TBCE: variants seen among roughly 807,000 people sequenced by gnomAD.
TBCE encodes tubulin folding cofactor E, also known as tubulin-specific chaperone E.
Under a neutral mutation model 77.0 loss-of-function variants are expected in TBCE, and 53 were observed. That is an observed-to-expected ratio of 0.69 (90% CI 0.55 to 0.87). The LOEUF (loss-of-function observed/expected upper bound fraction) is 0.87, where lower values mean the gene tolerates loss of function less well. Ranked by LOEUF, TBCE falls within the 40% of genes least tolerant of loss-of-function variation. TBCE has a pLI of 0.00. For synonymous variants in TBCE, 235 were observed against 241.3 expected (o/e 0.97, Z 0.24); for missense variants, 624 against 622.4 (o/e 1.00, Z -0.03).
intron 13 of TBCE, chr1:235,439,135 G>A: frequency 1.6e-6 from 1 of 634,016 alleles, no homozygotes; most frequent in Non-Finnish European, 2.7e-6. Context: ...CTGGGAGACT[G>A]TTTATGTTCT....
chr1:235,450,861 T>A lies in TBCE; in HGVS notation c.*2099T>A, dbSNP rs1682854903. 2 of 152,646 alleles carry A rather than the reference T, an allele frequency of 1.3e-5. No homozygotes were observed. Among genetic ancestry groups the A allele is most frequent in the African/African-American group, 4.8e-5 (2 of 41,414 alleles). The allele number at this position is 152,646 out of a possible 1,614,324, so 9.5% of individuals were successfully genotyped here. A position where few individuals can be genotyped will look rare whatever the true frequency, so the allele number is the denominator to read the frequency against. On this transcript the variant is annotated 3_prime_UTR_variant, in exon 17 of 17. Coordinates refer to ENST00000642610, the MANE Select transcript of TBCE (RefSeq NM_003193.5). ...AGGGCTGGTAAATGAAGAGGAGGGA[T>A]TAAAGACTCCCAAGCTCAAGTTCTT...
chr1:235,379,897 G>T, intron 1 of TBCE, 122 bp from the exon 2 acceptor site: 1 of 568,890 alleles, frequency 1.8e-6, no homozygotes, highest in Non-Finnish European at 3.1e-6. Flanking sequence ...GCAGTGAGCC[G>T]AGATTGCGCC....
rs1682181884 is a variant in TBCE, at chr1:235,445,393, C to T, written c.1399+2482C>T. Among the ~76,000 whole-genome samples the T allele has an allele frequency of 2.0e-5, 3 of 152,146 alleles. No individual in the cohort carries two copies. The South Asian group carries it at 6.2e-4, about 32-fold the overall frequency. ...CCTGTAATCCTAGCACTTTGGGAGG[C>T]CAAGGTGGGCAAATTGCTTGAGCCC... On this transcript the variant is annotated intron_variant, in intron 15 of 16. Transcript: ENST00000642610.
intron 5 of TBCE, among the ~76,000 whole-genome samples, chr1:235,421,709 A>G (rs1680409221): frequency 6.6e-6 from 1 of 151,948 alleles, no homozygotes; most frequent in African/African-American, 2.4e-5. Flanking sequence ...CTCTGTTTCA[A>G]AAAAAAAGAA....
At chr1:235,447,423 A>AAAG (rs1183798081) in intron 15 of TBCE, among the ~76,000 whole-genome samples, 2 of 152,234 alleles carry the variant, frequency 1.3e-5, no homozygotes, top group African/African-American at 4.8e-5. Context: ...CCGTCTTTGG[A>AAAG]AAGAAGTTCA....
At chr1:235,404,813 C>A (rs1679321716) in intron 3 of TBCE, among the ~76,000 whole-genome samples, 2 of 151,914 alleles carry the variant, frequency 1.3e-5, no homozygotes, top group Non-Finnish European at 2.9e-5. Context: ...AGGCATGCGC[C>A]ACCACACCTG....
At chr1:235,443,038 T>C (rs1682001381) in intron 15 of TBCE, 127 bp downstream of exon 15, 5 of 884,474 alleles carry the variant, frequency 5.7e-6, no homozygotes, top group Admixed American at 2.3e-5. Context: ...TTTTCATTAG[T>C]CTTTTATATT....
intron 3 of TBCE, among the ~76,000 whole-genome samples, chr1:235,406,793 G>GTGC (rs1317354859): frequency 6.9e-6 from 1 of 145,844 alleles, no homozygotes; most frequent in Non-Finnish European, 1.5e-5. Flanking sequence ...GCCTCCCAAA[G>GTGC]TGCTGGGATT....
intron 7 of TBCE, among the ~76,000 whole-genome samples, chr1:235,431,964 G>A (rs987599193): frequency 1.3e-5 from 2 of 150,222 alleles, no homozygotes; most frequent in East Asian, 2.0e-4. Context: ...GAGCCACCGT[G>A]CCCAGCCCAC....
chr1:235,390,123 C>CAA (rs756117658), intron 2 of TBCE, among the ~76,000 whole-genome samples: 5 of 128,810 alleles, frequency 3.9e-5, no homozygotes, highest in African/African-American at 1.1e-4. Flanking sequence ...AAGACTGTCT[C>CAA]AAAAAAAAAA....
chr1:235,389,002 C>G (rs954327097), intron 2 of TBCE, among the ~76,000 whole-genome samples: 6 of 152,120 alleles, frequency 3.9e-5, no homozygotes, highest in Admixed American at 1.3e-4. Context: ...GGGGTGTGCC[C>G]TTGGGCAAGA....
intron 7 of TBCE, chr1:235,433,066 G>A: frequency 6.4e-7 from 1 of 1,554,006 alleles, no homozygotes; most frequent in Non-Finnish European, 8.6e-7. Context: ...CAGTGCCAAG[G>A]ACCACACATC....
At chr1:235,405,106 G>T (rs1444572132) in intron 3 of TBCE, among the ~76,000 whole-genome samples, 2 of 151,716 alleles carry the variant, frequency 1.3e-5, no homozygotes, top group Non-Finnish European at 2.9e-5. Context: ...GGGACTACAG[G>T]CGCATGTCAC....
At chr1:235,398,735 G>A (rs1419084792) in intron 2 of TBCE, among the ~76,000 whole-genome samples, 8 of 142,618 alleles carry the variant, frequency 5.6e-5, no homozygotes, top group Non-Finnish European at 1.2e-4. Context: ...TCAGCCTTCC[G>A]AGTAGCTGGG....
intron 1 of TBCE, among the ~76,000 whole-genome samples, chr1:235,376,739 C>G (rs182320419): frequency 6.6e-6 from 1 of 152,074 alleles, no homozygotes; most frequent in Non-Finnish European, 1.5e-5. Context: ...ACTTGGAGGC[C>G]GAGGTGGGAA....
intron 2 of TBCE, among the ~76,000 whole-genome samples, chr1:235,398,668 G>T (rs1189110651): frequency 1.4e-5 from 2 of 147,020 alleles, no homozygotes; most frequent in Non-Finnish European, 3.0e-5. Flanking sequence ...GCTCAGGCTG[G>T]AGTGCAGTAG....
intron 8 of TBCE, among the ~76,000 whole-genome samples, chr1:235,435,287 G>A (rs1464188557): frequency 6.6e-6 from 1 of 152,020 alleles, no homozygotes; most frequent in African/African-American, 2.4e-5. Context: ...TTTTAGTAGA[G>A]ACGGGGTTTC....
chr1:235,373,523 A>G (rs543687684), intron 1 of TBCE, among the ~76,000 whole-genome samples: 94 of 152,202 alleles, frequency 6.2e-4, no homozygotes, highest in African/African-American at 2.0e-3. Context: ...GGCTCACTGC[A>G]ACCTCCGCCT....
intron 5 of TBCE, among the ~76,000 whole-genome samples, chr1:235,424,328 T>G (rs909098611): frequency 4.0e-5 from 6 of 149,058 alleles, no homozygotes; most frequent in Non-Finnish European, 8.9e-5. Context: ...AGCTCTTTTT[T>G]TTTTTTTTTT....
Sources: gnomAD v4.1 joint callset for allele counts (sites outside exome capture counted in the v4.1 genomes callset) on GRCh38, gnomAD v4.1.1 for gene constraint, MANE v1.5 for transcripts, NCBI Gene and HGNC (gene_info 2026-07-23, HGNC 2026-07-21) for gene names.